Variants in GRIA1 observed in about 807,000 individuals in gnomAD.
GRIA1 encodes glutamate ionotropic receptor AMPA type subunit 1.
Under a neutral mutation model 99.2 loss-of-function variants are expected in GRIA1, and 31 were observed. The ratio of observed to expected loss-of-function variants is 0.31; its 90% confidence interval spans 0.23 to 0.42. The LOEUF is 0.42. Among genes scored for constraint, GRIA1 ranks in the 10% least tolerant of loss-of-function variants. The pLI is 1.00. For missense variants in GRIA1, 782 were observed against 1,157.5 expected (o/e 0.68, Z 4.71); for synonymous variants, 438 against 432.4 (o/e 1.01, Z -0.16).
At chr5:153,787,837 T>C (rs1765062714) in intron 13 of GRIA1, among the ~76,000 whole-genome samples, 1 of 152,060 alleles carries the variant, frequency 6.6e-6, no homozygotes, top group African/African-American at 2.4e-5. Flanking sequence ...TGCATCCACT[T>C]TGGGAGGCTG....
intron 11 of GRIA1, among the ~76,000 whole-genome samples, chr5:153,722,465 C>A (rs1177264664): frequency 6.6e-6 from 1 of 152,128 alleles, no homozygotes; most frequent in African/African-American, 2.4e-5. Context: ...ACTTTTAGAT[C>A]TAGGTGTTCT....
At chr5:153,778,160 A>T (rs1764387537) in intron 13 of GRIA1, among the ~76,000 whole-genome samples, 1 of 147,814 alleles carries the variant, frequency 6.8e-6, no homozygotes, top group Admixed American at 6.8e-5. Flanking sequence ...CAAAGGAAGG[A>T]GGGAGGCAGA....
At chr5:153,673,268 C>T (rs960053653) in intron 5 of GRIA1, among the ~76,000 whole-genome samples, 5 of 152,198 alleles carry the variant, frequency 3.3e-5, no homozygotes, top group Admixed American at 6.5e-5. Context: ...CACCTCCTTG[C>T]GGAGGCTCAT....
chr5:153,718,937 T>C (rs1759851950), intron 11 of GRIA1, among the ~76,000 whole-genome samples: 1 of 152,192 alleles, frequency 6.6e-6, no homozygotes, highest in South Asian at 2.1e-4. Context: ...TCAGCTCAGT[T>C]ATTGGATAGG....
chr5:153,753,732 G>T (rs1336884978), intron 11 of GRIA1, among the ~76,000 whole-genome samples: 1 of 152,064 alleles, frequency 6.6e-6, no homozygotes, highest in Non-Finnish European at 1.5e-5. Context: ...TACCCAGGGG[G>T]GTTTGGGAAA....
At chr5:153,660,553 G>A (rs1755293289) in intron 5 of GRIA1, among the ~76,000 whole-genome samples, 1 of 152,320 alleles carries the variant, frequency 6.6e-6, no homozygotes, top group East Asian at 1.9e-4. Context: ...AAGAGAGGGG[G>A]TTGTCCTGGA....
At chr5:153,652,757 T>A (rs1754667643) in intron 4 of GRIA1, among the ~76,000 whole-genome samples, 1 of 152,236 alleles carries the variant, frequency 6.6e-6, no homozygotes, top group African/African-American at 2.4e-5. Context: ...GATTCTTTGC[T>A]TATGCTTACA....
intron 2 of GRIA1, among the ~76,000 whole-genome samples, chr5:153,607,864 AC>A (rs1457329739): frequency 6.6e-6 from 1 of 151,970 alleles, no homozygotes; most frequent in Non-Finnish European, 1.5e-5. Context: ...AATTTTTATT[AC>A]CTTTTATTCT....
chr5:153,673,536 A>G (rs963406755), intron 5 of GRIA1, among the ~76,000 whole-genome samples: 14 of 152,236 alleles, frequency 9.2e-5, no homozygotes, highest in African/African-American at 3.1e-4. Context: ...TAATCAGTGA[A>G]TAAGTGAGTG....
chr5:153,511,490 C>G (rs540982402), intron 2 of GRIA1, among the ~76,000 whole-genome samples: 1 of 152,244 alleles, frequency 6.6e-6, no homozygotes, highest in East Asian at 1.9e-4. Flanking sequence ...TGGGCTTCTT[C>G]CTGGAATTTT....
intron 2 of GRIA1, among the ~76,000 whole-genome samples, chr5:153,497,436 A>G (rs1348287798): frequency 1.3e-5 from 2 of 152,192 alleles, no homozygotes; most frequent in Non-Finnish European, 2.9e-5. Context: ...TCATTCATTC[A>G]TTCAGCAAGT....
intron 2 of GRIA1, among the ~76,000 whole-genome samples, chr5:153,531,521 A>G (rs1046928506): frequency 6.6e-6 from 1 of 152,208 alleles, no homozygotes; most frequent in African/African-American, 2.4e-5. Context: ...TAGCCTGATG[A>G]CTTCAAGGTA....
chr5:153,491,270 G>GT (rs1753890133), intron 1 of GRIA1: 1 of 1,326,608 alleles, frequency 7.5e-7, no homozygotes, highest in Admixed American at 3.4e-5. Flanking sequence ...GCTGGAAAGG[G>GT]TGGTGGGTGT....
At chr5:153,491,034 G>A (rs1399409287) in intron 1 of GRIA1, 64 bp downstream of exon 1, 8 of 1,452,278 alleles carry the variant, frequency 5.5e-6, no homozygotes, top group Non-Finnish European at 7.7e-6. Flanking sequence ...TTTGGGGATA[G>A]GGGTTGTGTA....
At chr5:153,501,431 G>A (rs761408119) in intron 2 of GRIA1, among the ~76,000 whole-genome samples, 1 of 152,180 alleles carries the variant, frequency 6.6e-6, no homozygotes, top group Admixed American at 6.5e-5. Context: ...GAAGGCTTTG[G>A]TGATGCAGTG....
intron 11 of GRIA1, among the ~76,000 whole-genome samples, chr5:153,740,698 T>C (rs941106917): frequency 7.2e-5 from 11 of 152,324 alleles, no homozygotes; most frequent in African/African-American, 2.6e-4. Context: ...GCTGGTCCAT[T>C]TCCATACTGA....
chr5:153,790,052 A>G (rs959789547), intron 13 of GRIA1, among the ~76,000 whole-genome samples: 1 of 152,214 alleles, frequency 6.6e-6, no homozygotes, highest in African/African-American at 2.4e-5. Flanking sequence ...GCCTAGGGCT[A>G]GTTGTAGTTA....
In GRIA1 at chr5:153,811,089, A is replaced by G; in HGVS notation, c.2585A>G (p.Asn862Ser). 2 of 1,613,700 alleles carry G rather than the reference A, an allele frequency of 1.2e-6. No individual in the cohort carries two copies. Among genetic ancestry groups the G allele is most frequent in the Non-Finnish European group, 1.7e-6 (2 of 1,179,602 alleles). The change falls in exon 16 of 16, where the codon AAC becomes AGC. Residue 862 changes from asparagine (N) to serine (S), a missense_variant. Around this residue, in one of 5 missense-constraint regions of GRIA1, gnomAD observed 76 missense variants for 81.2 expected, o/e 0.94. Transcript: ENST00000285900. The part of the protein sequence containing the change: ...EAIRTSTLPR[N>S]SGAGASSGGS... ...ATACGGACATCGACCCTCCCCCGCA[A>G]CAGCGGGGCAGGAGCCAGCAGCGGC... is the stretch of plus-strand genomic sequence containing the variant.
intron 10 of GRIA1, among the ~76,000 whole-genome samples, chr5:153,702,139 T>G (rs775574704): frequency 2.6e-5 from 4 of 152,262 alleles, no homozygotes; most frequent in Non-Finnish European, 4.4e-5. Context: ...ATACTGCCTC[T>G]GTAGAAATCC....
Sources: allele counts gnomAD v4.1 joint callset (sites outside exome capture counted in the v4.1 genomes callset), GRCh38; gene constraint gnomAD v4.1.1; regional missense constraint gnomAD v4.1.1; transcripts MANE v1.5; gene names NCBI Gene and HGNC (gene_info 2026-07-23, HGNC 2026-07-21).